The following PRX variants were observed in gnomAD, a reference collection of about 807,000 sequenced individuals.
PRX encodes periaxin.
Under a neutral mutation model 29.6 loss-of-function variants are expected in PRX, and 24 were observed. The ratio of observed to expected loss-of-function variants is 0.81; its 90% CI spans 0.59 to 1.14. The LOEUF is 1.14. Ranked by LOEUF, PRX falls within the 50% of genes most tolerant of loss-of-function variation. The pLI is 0.00. For synonymous variants in PRX, 772 were observed against 831.7 expected (o/e 0.93, Z 1.24); for missense variants, 1,838 against 1,926.4 (o/e 0.95, Z 0.86).
In PRX at chr19:40,408,024, C is replaced by G. The variant is rs754012472; in HGVS notation, c.-92G>C. On this transcript the variant is annotated 5_prime_UTR_variant, in exon 4 of 7. Coordinates refer to ENST00000324001, the MANE Select transcript of PRX (RefSeq NM_181882.3). The stretch of plus-strand genomic sequence containing the variant: ...CTTCAGTTCTGCATGGAGCAGCTGC[C>G]TCTGAGCCTGTGGGAGGACAGCAGT... 1 of 1,567,960 alleles carries G rather than the reference C, an allele frequency of 6.4e-7. No individual in the cohort carries two copies. Among genetic ancestry groups the G allele is most frequent in the Admixed American group, 1.7e-5 (1 of 58,220 alleles).
intron 4 of PRX, among the ~76,000 whole-genome samples, chr19:40,404,247 A>G (rs535521942): frequency 2.6e-5 from 4 of 152,198 alleles, no homozygotes; most frequent in Admixed American, 2.6e-4. Context: ...ACGGTTAAAC[A>G]GCTCCGCGGG....
chr19:40,407,121 C>A (rs945068477), intron 4 of PRX, among the ~76,000 whole-genome samples: 4 of 151,580 alleles, frequency 2.6e-5, no homozygotes, highest in Non-Finnish European at 5.9e-5. Flanking sequence ...GAGGTGAGAT[C>A]ATCTGCCCAG....
Position 40,403,896 on chromosome 19 carries a change from C to G in PRX, c.28-34G>C, listed in dbSNP as rs769283810. The G allele has an allele frequency of 4.5e-5, 72 of 1,597,064 alleles. 1 individual carries two copies. In the South Asian group the frequency reaches 6.1e-4, roughly 14 times the overall value. ...GGCGGCGAGGTGTCGCGTTGGGGCT[C>G]TAGGGCCGGACCTCGCCCAGAGCCC... On this transcript the variant is annotated intron_variant, in intron 4 of 6. Transcript: ENST00000324001.
In PRX at chr19:40,398,845, G is replaced by T; in HGVS notation, c.185-29C>A. On this transcript the variant is annotated intron_variant, in intron 5 of 6. Transcript: ENST00000324001. This position sits in a 1 kb window ranked among gnomAD's most constrained non-coding sequence, Gnocchi z 6.3. ...CGGGCGAGGTGGAGGTGCGCAGCACGTGGGCATCTCCCGGCTCCGCCCGGG... is the reference window on the plus strand; with the variant it reads ...CGGGCGAGGTGGAGGTGCGCAGCACTTGGGCATCTCCCGGCTCCGCCCGGG... 1 of 1,613,754 alleles carries T rather than the reference G, an allele frequency of 6.2e-7. No homozygotes were observed. Among genetic ancestry groups the T allele is most frequent in the Non-Finnish European group, 8.5e-7 (1 of 1,179,924 alleles).
In PRX at chr19:40,403,730, C is replaced by A. The variant is rs760145365; in HGVS notation, c.160G>T (p.Ala54Ser). ...CCTTCCTGCAGGCTGAGGCTCCTGG[C>A]GGCGGGTGAGTCCTCGCGCAGCTCC... Reference protein sequence around the residue: ...VRELREDSPAARSLSLQEGDQ... With the variant: ...VRELREDSPASRSLSLQEGDQ... The change falls in exon 5 of 7, where the codon GCC becomes TCC. Residue 54 changes from alanine to serine, a missense_variant. By Grantham distance (99) the Ala-to-Ser change is moderately conservative (BLOSUM62 1). Transcript: ENST00000324001. The A allele has an allele frequency of 5.8e-6, 9 of 1,564,900 alleles. No individual in the cohort carries two copies. The highest frequency in any genetic ancestry group is 4.8e-5 in the East Asian group (2 of 41,690).
chr19:40,399,889 TTC>T (rs1405040159), intron 5 of PRX, among the ~76,000 whole-genome samples: 4 of 66,064 alleles, frequency 6.1e-5, no homozygotes, highest in African/African-American at 4.2e-4. Flanking sequence ...CTTTCTTTCT[TTC>T]TTTCTTTCTT....
intron 5 of PRX, among the ~76,000 whole-genome samples, chr19:40,401,916 G>A (rs954945200): frequency 1.3e-5 from 2 of 151,974 alleles, no homozygotes; most frequent in African/African-American, 4.8e-5. Flanking sequence ...ACCACACCCG[G>A]CTAATTTTTG....
Position 40,396,497 on chromosome 19 carries a change from G to T in PRX, c.1855C>A (p.Pro619Thr), listed in dbSNP as rs746715672. The T allele has an allele frequency of 1.2e-6, 2 of 1,614,008 alleles. No homozygotes were observed. Among genetic ancestry groups the T allele is most frequent in the Non-Finnish European group, 8.5e-7 (1 of 1,179,992 alleles). Residue 619 changes from proline to threonine, a missense_variant, in exon 7 of 7, where the codon CCA (proline) becomes ACA (threonine). This residue lies in a region of PRX where 1,143 missense variants were observed against 1,193.0 expected (regional missense o/e 0.96). Coordinates refer to ENST00000324001, the MANE Select transcript of PRX (RefSeq NM_181882.3). ...GGGACTTTTGGAAGCTGCACTTCTG[G>T]GAGGTGCACATCGGGCACGGCCATC... ...PEMAVPDVHL[P>T]EVQLPKVPEM...
In PRX at chr19:40,395,818, G is replaced by GCCTCAC; in HGVS notation, c.2528_2533dup (p.Gly843_Glu844dup). The stretch of plus-strand genomic sequence containing the variant: ...AGTGAGAGAGGGGACACCCACATGA[G>GCCTCAC]CCTCACCATCCACCTCTGGCTGCAG... On this transcript the variant is annotated inframe_insertion, in exon 7 of 7. Transcript: ENST00000324001. 6.2e-7 allele frequency: 1 copy of GCCTCAC among 1,614,166 alleles called. No homozygotes were observed. Among genetic ancestry groups the GCCTCAC allele is most frequent in the Non-Finnish European group, 8.5e-7 (1 of 1,180,038 alleles).
In PRX at chr19:40,398,239, C is replaced by T; in HGVS notation, c.382-269G>A. 1 of 1,415,300 alleles carries T rather than the reference C, an allele frequency of 7.1e-7. No homozygotes were observed. 87.7% of individuals were successfully genotyped at this position (1,415,300 alleles called of 1,614,324 possible). On this transcript the variant is annotated intron_variant, in intron 6 of 6. Coordinates refer to ENST00000324001, the MANE Select transcript of PRX (RefSeq NM_181882.3). The surrounding 1 kb of genome is among the most constrained non-coding windows in gnomAD (Gnocchi z 6.3). The stretch of plus-strand genomic sequence containing the variant: ...CTGATCCGGGATTTTCCCCAACATC[C>T]TCATTCTAGAGATGGGGAAACTGAG...
At chr19:40,403,169 T>C (rs2079508306) in intron 5 of PRX, among the ~76,000 whole-genome samples, 1 of 152,148 alleles carries the variant, frequency 6.6e-6, no homozygotes, top group Admixed American at 6.5e-5. Context: ...AAACTCCGTA[T>C]CAAAATACAT....
In PRX at chr19:40,403,755, C is replaced by G. The variant is rs779875514; in HGVS notation, c.135G>C (p.Arg45=). 1.3e-6 allele frequency: 2 copies of G among 1,586,244 alleles called. No homozygotes were observed. The highest frequency in any genetic ancestry group is 8.6e-7 in the Non-Finnish European group (1 of 1,167,544). The stretch of plus-strand genomic sequence containing the variant: ...CGGCGGGTGAGTCCTCGCGCAGCTC[C>G]CGAACGAAGATTCCCTCTTTGCCGC... ...AGGGKEGIFV[R]ELREDSPAAR... is the part of the protein sequence containing the mutation. Residue 45 remains arginine, a synonymous_variant, in exon 5 of 7, where the codon CGG becomes CGC. Transcript: ENST00000324001.
At chr19:40,402,644 G>T (rs151325878) in intron 5 of PRX, among the ~76,000 whole-genome samples, 1 of 150,910 alleles carries the variant, frequency 6.6e-6, no homozygotes, top group African/African-American at 2.4e-5. Context: ...GGTTGTGGGC[G>T]CCTGTAGTCC....
In PRX at chr19:40,394,855, G is replaced by A. The variant is rs200659664; in HGVS notation, c.3497C>T (p.Pro1166Leu). ...ELTGFGEAGTPGQQAQSTVPS... is the reference protein window; with the variant it reads ...ELTGFGEAGTLGQQAQSTVPS... ...GACTGTACTCTGAGCCTGCTGCCCT[G>A]GGGTACCTGCCTCCCCAAAGCCGGT... The change falls in exon 7 of 7, where the codon CCA becomes CTA. Residue 1166 changes from proline to leucine, a missense_variant. Around this residue, in one of 3 missense-constraint regions of PRX, gnomAD observed 1,143 missense variants for 1,193.0 expected, o/e 0.96. Coordinates refer to ENST00000324001, the MANE Select transcript of PRX (RefSeq NM_181882.3). The surrounding 1 kb of genome is among the most constrained non-coding windows in gnomAD (Gnocchi z 5.8). 6.2e-7 allele frequency: 1 copy of A among 1,612,380 alleles called. No individual in the cohort carries two copies. The highest frequency in any genetic ancestry group is 2.2e-5 in the East Asian group (1 of 44,870).
At chr19:40,399,851 C>CTT (rs1309452024) in intron 5 of PRX, among the ~76,000 whole-genome samples, 1 of 12,702 alleles carries the variant, frequency 7.9e-5, no homozygotes, top group African/African-American at 2.4e-4. Flanking sequence ...GCTTTCTTTC[C>CTT]TTTCTTTCTT....
At chr19:40,413,227 C>T (rs1323050588) in intron 1 of PRX, 111 bp downstream of exon 1, 2 of 152,768 alleles carry the variant, frequency 1.3e-5, no homozygotes, top group East Asian at 3.9e-4. Context: ...ACCTACACCA[C>T]ACGGCTTCCT....
At chr19:40,406,779 T>TTC (rs1461533289) in intron 4 of PRX, among the ~76,000 whole-genome samples, 2 of 149,314 alleles carry the variant, frequency 1.3e-5, no homozygotes, top group African/African-American at 5.0e-5. Flanking sequence ...TTCTTTTTTT[T>TTC]TTTTTTTTTT....
rs776000245 is a variant in PRX at position 40,396,150 on chromosome 19, C to T, written c.2202G>A (p.Glu734=). 7 of 1,613,418 alleles carry T rather than the reference C, an allele frequency of 4.3e-6. No homozygotes were observed. The highest frequency in any genetic ancestry group is 5.9e-6 in the Non-Finnish European group (7 of 1,179,698). ...LPEIKLPKVP[E]MAVPDVHLPE... is the part of the protein sequence containing the mutation. ...GGAGGTGCACATCGGGCACAGCCAT[C>T]TCAGGCACCTTGGGGAGTTTTATCT... Residue 734 remains glutamate, a synonymous_variant, in exon 7 of 7, where the codon GAG becomes GAA. Transcript: ENST00000324001.
At position 40,397,601 on chromosome 19, in the gene PRX, C is replaced by T; in HGVS notation, c.751G>A (p.Val251Ile). ...LPGAEVGVPQ[V>I]SAPKAAPSAE... ...GAGGGGGCAGCCTTGGGGGCTGAGA[C>T]CTGGGGGACACCCACCTCCGCCCCT... The change falls in exon 7 of 7, where the codon GTC becomes ATC. Residue 251 changes from valine (V) to isoleucine (I), a missense_variant. Physicochemically the swap from Val to Ile is conservative, Grantham distance 29 (BLOSUM62 3). Transcript: ENST00000324001. 1 of 1,541,634 alleles carries T rather than the reference C, an allele frequency of 6.5e-7. No individual in the cohort carries two copies.
Sources: gnomAD v4.1 joint callset for allele counts (sites outside exome capture counted in the v4.1 genomes callset) on GRCh38, gnomAD v4.1.1 for gene constraint, gnomAD v4.1.1 regional missense constraint, Gnocchi (gnomAD v3.1) non-coding constraint, MANE v1.5 for transcripts, NCBI Gene and HGNC (gene_info 2026-07-23, HGNC 2026-07-21) for gene names.